IGFALS: variants seen among roughly 807,000 people sequenced by gnomAD.
IGFALS encodes the protein insulin like growth factor binding protein acid labile subunit.
IGFALS carries 2 observed loss-of-function variants against 2.6 expected under a neutral mutation model. The ratio of observed to expected loss-of-function variants is 0.77; its 90% CI spans 0.32 to 2.44. IGFALS has a LOEUF of 2.44. IGFALS is among the 30% of genes most tolerant of loss of function. IGFALS has a pLI of 0.11. For synonymous variants in IGFALS, 519 were observed against 431.9 expected, an observed-to-expected ratio of 1.20 and a Z score of -2.50; for missense variants, 996 against 848.7, an observed-to-expected ratio of 1.17 and a Z score of -2.16.
rs753167788 is a variant in IGFALS, at chr16:1,792,342, C to G, written c.76G>C (p.Glu26Gln). The change falls in exon 2 of 2, where the codon GAG becomes CAG. Residue 26 changes from glutamate to glutamine, a missense_variant. Coordinates refer to ENST00000215539, the MANE Select transcript of IGFALS (RefSeq NM_004970.3). Reference protein sequence around the residue: ...SWVALGPRSLEGADPGTPGEA... With the variant: ...SWVALGPRSLQGADPGTPGEA... ...CCCGGCGTTCCGGGGTCTGCTCCCTCCAGGCTGCGGGGGCCCAGTGCCACC... is the reference window on the plus strand; with the variant it reads ...CCCGGCGTTCCGGGGTCTGCTCCCTGCAGGCTGCGGGGGCCCAGTGCCACC... The G allele has an allele frequency of 6.3e-7, 1 of 1,592,198 alleles. No homozygotes were observed. Among genetic ancestry groups the G allele is most frequent in the African/African-American group, 1.3e-5 (1 of 74,758 alleles).
upstream of IGFALS, chr16:1,793,850 G>T (rs1897283472): frequency 2.1e-6 from 1 of 475,538 alleles, no homozygotes; most frequent in Non-Finnish European, 3.7e-6. Context: ...GGTGCAGACA[G>T]TGCAGGGGGT....
In IGFALS at chr16:1,791,110, C is replaced by G; in HGVS notation, c.1308G>C (p.Leu436=). 6.2e-7 allele frequency: 1 copy of G among 1,601,716 alleles called. No individual in the cohort carries two copies. The highest frequency in any genetic ancestry group is 8.5e-7 in the Non-Finnish European group (1 of 1,179,576). ...GGTTGGAGGTCAGGTCGAGCTCCAG[C>G]AGCTCCGCCAGCCCCCACAGGCTCT... ...EEQSLWGLAE[L]LELDLTSNQL... Residue 436 remains leucine (L), a synonymous_variant, in exon 2 of 2, where the codon CTG becomes CTC. Coordinates refer to ENST00000215539, the MANE Select transcript of IGFALS (RefSeq NM_004970.3).
chr16:1,791,890 G>A lies in IGFALS; in HGVS notation c.528C>T (p.Asn176=), dbSNP rs1254961868. ...FEGLGSLWDL[N]LGWNSLAVLP... ...GCACCGCCAGGCTATTCCAGCCGAG[G>A]TTGAGGTCCCAGAGGCTGCCGAGGC... is the stretch of plus-strand genomic sequence containing the variant. The change falls in exon 2 of 2, where the codon AAC becomes AAT. Residue 176 remains asparagine (N), a synonymous_variant. Coordinates refer to ENST00000215539, the MANE Select transcript of IGFALS (RefSeq NM_004970.3). 11 of 1,569,774 alleles carry A rather than the reference G, an allele frequency of 7.0e-6. No homozygotes were observed. Among genetic ancestry groups the A allele is most frequent in the Non-Finnish European group, 9.5e-6 (11 of 1,158,618 alleles).
Position 1,791,906 on chromosome 16 carries a change from C to A in IGFALS, c.512G>T (p.Ser171Ile). Residue 171 changes from serine (S) to isoleucine (I), a missense_variant, in exon 2 of 2, where the codon AGC (serine) becomes ATC (isoleucine). Physicochemically the swap from Ser to Ile is moderately radical, Grantham distance 142. Coordinates refer to ENST00000215539, the MANE Select transcript of IGFALS (RefSeq NM_004970.3). ...CCAGCCGAGGTTGAGGTCCCAGAGG[C>A]TGCCGAGGCCCTCGAAGAGCCCGTC... ...LEDGLFEGLG[S>I]LWDLNLGWNS... is the part of the protein sequence containing the mutation. The A allele has an allele frequency of 6.3e-7, 1 of 1,575,196 alleles. No homozygotes were observed. The highest frequency in any genetic ancestry group is 2.3e-5 in the East Asian group (1 of 42,846).
At chr16:1,794,807 G>A (rs946552269), upstream of IGFALS, 3 of 700,832 alleles carry the variant, frequency 4.3e-6, no homozygotes, top group Non-Finnish European at 7.8e-6. Flanking sequence ...CAGTTTTCCA[G>A]GGCCCTACCC....
chr16:1,790,888 G>A lies in IGFALS; in HGVS notation c.1530C>T (p.Tyr510=). Residue 510 remains tyrosine, a synonymous_variant, in exon 2 of 2, where the codon TAC becomes TAT. Coordinates refer to ENST00000215539, the MANE Select transcript of IGFALS (RefSeq NM_004970.3). ...SLLAPLGRLR[Y]LSLRNNSLRT... ...GCAGTGAGTTGTTCCTGAGGCTGAG[G>A]TAGCGCAGCCGCCCCAGTGGTGCCA... is the stretch of plus-strand genomic sequence containing the variant. 2 of 1,573,364 alleles carry A rather than the reference G, an allele frequency of 1.3e-6. No homozygotes were observed. Among genetic ancestry groups the A allele is most frequent in the Non-Finnish European group, 8.6e-7 (1 of 1,163,172 alleles).
chr16:1,793,647 G>A lies in IGFALS; in HGVS notation c.6C>T (p.Ala2=). ...ACTCGGGGGCCTCACCTTTCCTCAGGGCCATCCTGCATGCAGGGCAGGCTG... is the reference window on the plus strand; with the variant it reads ...ACTCGGGGGCCTCACCTTTCCTCAGAGCCATCCTGCATGCAGGGCAGGCTG... M[A]LRKGGLALAL... The change falls in exon 1 of 2, where the codon GCC becomes GCT. Residue 2 remains alanine (A), a synonymous_variant. Transcript: ENST00000215539. The A allele has an allele frequency of 6.3e-7, 1 of 1,597,386 alleles. No homozygotes were observed.
upstream of IGFALS, chr16:1,794,878 C>T: frequency 1.4e-6 from 1 of 702,326 alleles, no homozygotes; most frequent in East Asian, 2.7e-5. Flanking sequence ...GCCGCCGGCC[C>T]ACTGTCATCG....
chr16:1,793,776 C>A (rs1897282477), upstream of IGFALS: 2 of 975,964 alleles, frequency 2.0e-6, no homozygotes, highest in East Asian at 2.7e-5. Context: ...CTGGCCCAAC[C>A]CAGCTGGCCC....
At chr16:1,793,488 C>T (rs1001171858) in intron 1 of IGFALS, 149 bp downstream of exon 1, 34 of 657,804 alleles carry the variant, frequency 5.2e-5, no homozygotes, top group Middle Eastern at 4.2e-4. Context: ...GCCGCATTTC[C>T]GACTGTGGGC....
At position 1,791,964 on chromosome 16, in the gene IGFALS, C is replaced by T. The variant is rs375546984; in HGVS notation, c.454G>A (p.Gly152Ser). ...FAHTPALASLGLSNNRLSRLE... is the reference protein window; with the variant it reads ...FAHTPALASLSLSNNRLSRLE... ...CTGCTCAGACGGTTGTTGCTGAGGC[C>T]GAGCGAGGCCAGCGCGGGCGTGTGT... The change falls in exon 2 of 2, where the codon GGC becomes AGC. Residue 152 changes from glycine (G) to serine (S), a missense_variant. Gly to Ser is a moderately conservative substitution (Grantham distance 56, BLOSUM62 0). Transcript: ENST00000215539. 8 of 1,598,334 alleles carry T rather than the reference C, an allele frequency of 5.0e-6. No homozygotes were observed. Among genetic ancestry groups the T allele is most frequent in the African/African-American group, 4.0e-5 (3 of 74,752 alleles).
Position 1,792,241 on chromosome 16 carries a change from G to T in IGFALS, c.177C>A (p.Phe59Leu). 6.2e-7 allele frequency: 1 copy of T among 1,604,232 alleles called. No individual in the cohort carries two copies. The change falls in exon 2 of 2, where the codon TTC (phenylalanine) becomes TTA (leucine). Residue 59 changes from phenylalanine (F) to leucine (L), a missense_variant. Coordinates refer to ENST00000215539, the MANE Select transcript of IGFALS (RefSeq NM_004970.3). ...YDDDADELSV[F>L]CSSRNLTRLP... ...GGCGCGTGAGGTTCCTGGAGCTGCA[G>T]AAGACGCTGAGCTCATCCGCGTCGT...
rs1371535651 is a variant in IGFALS, at chr16:1,791,714, G to A, written c.704C>T (p.Ala235Val). The A allele has an allele frequency of 1.3e-6, 2 of 1,564,748 alleles. No homozygotes were observed. Among genetic ancestry groups the A allele is most frequent in the South Asian group, 2.3e-5 (2 of 85,810 alleles). Reference protein sequence around the residue: ...LSRNALRAIKANVFVQLPRLQ... With the variant: ...LSRNALRAIKVNVFVQLPRLQ... ...CCGGGGCAGCTGCACGAACACGTTT[G>A]CCTTGATGGCCCGCAGCGCGTTCCT... The change falls in exon 2 of 2, where the codon GCA becomes GTA. Residue 235 changes from alanine (A) to valine (V), a missense_variant. Coordinates refer to ENST00000215539, the MANE Select transcript of IGFALS (RefSeq NM_004970.3).
rs1897216739 is a variant in IGFALS at position 1,791,212 on chromosome 16, G to C, written c.1206C>G (p.Arg402=). 6.2e-7 allele frequency: 1 copy of C among 1,607,880 alleles called. No individual in the cohort carries two copies. The highest frequency in any genetic ancestry group is 8.5e-7 in the Non-Finnish European group (1 of 1,179,892). ...CCGAGAGGCCGGTGAAGGTGTGCGG[G>C]CGGATGCGTCCCAGGCAGCTGCCCT... ...HLEGSCLGRI[R]PHTFTGLSGL... The change falls in exon 2 of 2, where the codon CGC becomes CGG. Residue 402 remains arginine, a synonymous_variant. Coordinates refer to ENST00000215539, the MANE Select transcript of IGFALS (RefSeq NM_004970.3).
At chr16:1,792,622 C>A in intron 1 of IGFALS, 1 of 793,092 alleles carries the variant, frequency 1.3e-6, no homozygotes, top group Non-Finnish European at 1.8e-6. Context: ...CCCCGCTGCA[C>A]AGACGCTCAG....
In IGFALS at chr16:1,793,663, GGGCAGGCTGCA is replaced by G. The variant is rs1166060500; in HGVS notation, c.-22_-12del. On this transcript the variant is annotated 5_prime_UTR_variant, in exon 1 of 2. Transcript: ENST00000215539. ...TTTCCTCAGGGCCATCCTGCATGCA[GGGCAGGCTGCA>G]GGCAGGCAGCGAGGGAGGGTACGTC... The G allele has an allele frequency of 6.9e-6, 11 of 1,594,174 alleles. No homozygotes were observed. The highest frequency in any genetic ancestry group is 1.7e-5 in the Admixed American group (1 of 58,150).
chr16:1,793,362 G>A (rs1027381562), intron 1 of IGFALS, among the ~76,000 whole-genome samples: 18 of 152,206 alleles, frequency 1.2e-4, no homozygotes, highest in African/African-American at 4.3e-4. Context: ...GGAGCTGAAG[G>A]GTCCGGCCTG....
Position 1,792,146 on chromosome 16 carries a change from G to T in IGFALS, c.272C>A (p.Pro91Gln). 6.2e-7 allele frequency: 1 copy of T among 1,611,094 alleles called. No homozygotes were observed. The change falls in exon 2 of 2, where the codon CCG becomes CAG. Residue 91 changes from proline to glutamine, a missense_variant. Physicochemically the swap from Pro to Gln is moderately conservative, Grantham distance 76. Transcript: ENST00000215539. ...GCTGGAGAGGTTCTGGAAGGCTGCC[G>T]GGGGGACGGACGAGAGGTTGTTGCC... ...LDGNNLSSVP[P>Q]AAFQNLSSLG...
upstream of IGFALS, chr16:1,794,779 C>G (rs979861885): frequency 1.4e-5 from 10 of 692,374 alleles, no homozygotes; most frequent in Non-Finnish European, 2.6e-5. Context: ...GGGGCACAGC[C>G]AGGGCTCGGG....
Sources: gnomAD v4.1 joint callset for allele counts (sites outside exome capture counted in the v4.1 genomes callset) on GRCh38, gnomAD v4.1.1 for gene constraint, MANE v1.5 for transcripts, NCBI Gene and HGNC (gene_info 2026-07-23, HGNC 2026-07-21) for gene names.